The following KAT6A variants were observed in gnomAD, a reference collection of about 807,000 sequenced individuals.
KAT6A encodes histone acetyltransferase KAT6A.
A neutral mutation model predicts 198.4 loss-of-function variants in KAT6A; 9 were observed. The ratio of observed to expected loss-of-function variants is 0.05; its 90% CI spans 0.03 to 0.08. The LOEUF is 0.08. KAT6A is among the 10% of genes least tolerant of loss of function. The probability of loss-of-function intolerance (pLI) is 1.00; values close to 1 mark genes in which losing one functional copy is unlikely to be tolerated. For synonymous variants in KAT6A, 890 were observed against 883.0 expected (o/e 1.01, Z -0.14); for missense variants, 2,077 against 2,509.9 (o/e 0.83, Z 3.69).
chr8:41,937,497 A>G lies in KAT6A; in HGVS notation c.3111T>C (p.Thr1037=), dbSNP rs1821911370. The G allele has an allele frequency of 6.2e-7, 1 of 1,613,706 alleles. No individual in the cohort carries two copies. The highest frequency in any genetic ancestry group is 8.5e-7 in the Non-Finnish European group (1 of 1,179,714). ...KHHNSSVVTE[T]ISETTEVLDE... ...CTAACACTTCAGTGGTCTCAGAAAT[A>G]GTTTCTGTGACTACACTGCTATTGT... The change falls in exon 16 of 17, where the codon ACT becomes ACC. Residue 1037 remains threonine (T), a synonymous_variant. Transcript: ENST00000265713.
At position 42,048,677 on chromosome 8, in the gene KAT6A, T is replaced by C; in HGVS notation, c.301A>G (p.Lys101Glu). The change falls in exon 2 of 17, where the codon AAA (lysine) becomes GAA (glutamate). Residue 101 changes from lysine to glutamate, a missense_variant. This residue lies in a region of KAT6A where 185 missense variants were observed against 185.7 expected (regional missense o/e 1.00). Transcript: ENST00000265713. ...LDNKQNVDWN[K>E]LIKRAVEGLA... ...CCCTCAACTGCCCGCTTTATCAGTT[T>C]ATTCCAATCCACATTTTGTTTATTA... 6.2e-7 allele frequency: 1 copy of C among 1,614,242 alleles called. No homozygotes were observed. The highest frequency in any genetic ancestry group is 8.5e-7 in the Non-Finnish European group (1 of 1,180,036).
rs1163715066 is a variant in KAT6A, at chr8:42,013,542, CT to C, written c.601-25980del. ...GCCACCACGCCCGGCCTTGGCTCTG[CT>C]TTTTTTCAATTACAAATGCTCATGC... On this transcript the variant is annotated intron_variant, in intron 2 of 16. Transcript: ENST00000265713. Among the ~76,000 whole-genome samples the C allele has an allele frequency of 2.6e-5, 4 of 152,100 alleles. No homozygotes were observed. In the South Asian group the frequency reaches 8.3e-4, roughly 31 times the overall value.
chr8:42,009,254 A>C (rs760062771), intron 2 of KAT6A, among the ~76,000 whole-genome samples: 1 of 152,178 alleles, frequency 6.6e-6, no homozygotes, highest in Non-Finnish European at 1.5e-5. Flanking sequence ...ACTTGAATAA[A>C]AGAACAGGAA....
chr8:41,949,387 A>C, intron 9 of KAT6A, 24 bp from the exon 10 acceptor site: 1 of 1,459,540 alleles, frequency 6.9e-7, no homozygotes, highest in African/African-American at 1.5e-5. Context: ...TTAAACAAAA[A>C]AGACAGGGCT....
chr8:41,996,280 G>A (rs993558498), intron 2 of KAT6A, among the ~76,000 whole-genome samples: 2 of 152,058 alleles, frequency 1.3e-5, no homozygotes, highest in Non-Finnish European at 2.9e-5. Flanking sequence ...AAGCAATCAG[G>A]CAATACAGGT....
chr8:42,043,230 A>G (rs1827751607), intron 2 of KAT6A, among the ~76,000 whole-genome samples: 1 of 152,250 alleles, frequency 6.6e-6, no homozygotes, highest in Non-Finnish European at 1.5e-5. Flanking sequence ...AAGTAAATGG[A>G]ACAAATTACC....
In KAT6A at chr8:42,048,555, A is replaced by T. The variant is rs1261204195; in HGVS notation, c.423T>A (p.Ser141=). Residue 141 remains serine, a synonymous_variant, in exon 2 of 17, where the codon TCT becomes TCA. Coordinates refer to ENST00000265713, the MANE Select transcript of KAT6A (RefSeq NM_006766.5). ...VSALFGGSAA[S]GFHQQLRLAI... ...CCAATCGTAACTGCTGGTGAAAGCC[A>T]GAGGCAGCACTGCCTCCGAATAATG... 6.2e-7 allele frequency: 1 copy of T among 1,614,210 alleles called. No homozygotes were observed. Among genetic ancestry groups the T allele is most frequent in the Non-Finnish European group, 8.5e-7 (1 of 1,180,014 alleles).
intron 2 of KAT6A, among the ~76,000 whole-genome samples, chr8:42,035,069 T>C (rs762867740): frequency 2.6e-5 from 4 of 152,090 alleles, no homozygotes; most frequent in Non-Finnish European, 5.9e-5. Flanking sequence ...AAGAAACTAC[T>C]AAGGTAATCA....
intron 2 of KAT6A, among the ~76,000 whole-genome samples, chr8:42,003,276 A>G (rs1296953879): frequency 6.6e-6 from 1 of 152,112 alleles, no homozygotes; most frequent in Non-Finnish European, 1.5e-5. Flanking sequence ...ATGCGCCCTC[A>G]GAAAGCCCAA....
At position 41,940,917 on chromosome 8, in the gene KAT6A, G is replaced by C. The variant is rs759605400; in HGVS notation, c.2964C>G (p.Ser988Arg). 6.2e-7 allele frequency: 1 copy of C among 1,614,118 alleles called. No homozygotes were observed. The highest frequency in any genetic ancestry group is 8.5e-7 in the Non-Finnish European group (1 of 1,180,030). ...GGCTTTCCGGCTCCTCCTCCTCCTC[G>C]CTGCTCTCACTGAAGCCCCTGAGGA... The part of the protein sequence containing the change: ...RAVLRGFSES[S>R]EEEEEPESPR... The change falls in exon 15 of 17, where the codon AGC becomes AGG. Residue 988 changes from serine (S) to arginine (R), a missense_variant. Ser to Arg is a moderately radical substitution (Grantham distance 110). This residue lies in a region of KAT6A where 301 missense variants were observed against 272.2 expected (regional missense o/e 1.11). Coordinates refer to ENST00000265713, the MANE Select transcript of KAT6A (RefSeq NM_006766.5).
intron 8 of KAT6A, among the ~76,000 whole-genome samples, chr8:41,965,646 T>C (rs1203052933): frequency 6.6e-6 from 1 of 152,202 alleles, no homozygotes; most frequent in Non-Finnish European, 1.5e-5. Context: ...GGGTTTCAGT[T>C]AACATTGCAC....
chr8:42,027,740 T>G (rs1826900321), intron 2 of KAT6A, among the ~76,000 whole-genome samples: 1 of 152,128 alleles, frequency 6.6e-6, no homozygotes, highest in Non-Finnish European at 1.5e-5. Flanking sequence ...ACTTTTCATT[T>G]TGTTGATTCT....
At chr8:42,024,303 C>T (rs533978086) in intron 2 of KAT6A, among the ~76,000 whole-genome samples, 2 of 152,160 alleles carry the variant, frequency 1.3e-5, no homozygotes, top group East Asian at 1.9e-4. Flanking sequence ...AACTGTTCAG[C>T]GCCACTGTAA....
At chr8:42,023,691 TG>T (rs1826659643) in intron 2 of KAT6A, among the ~76,000 whole-genome samples, 1 of 152,062 alleles carries the variant, frequency 6.6e-6, no homozygotes. Context: ...TTTGTCATGT[TG>T]CCCAAGTTGG....
At chr8:42,008,664 A>G (rs1447271861) in intron 2 of KAT6A, among the ~76,000 whole-genome samples, 1 of 151,776 alleles carries the variant, frequency 6.6e-6, no homozygotes, top group Non-Finnish European at 1.5e-5. Flanking sequence ...ACATTTTTTT[A>G]ACACTGTTCT....
At chr8:41,936,624 G>A (rs146485011) in intron 16 of KAT6A, among the ~76,000 whole-genome samples, 2 of 152,250 alleles carry the variant, frequency 1.3e-5, no homozygotes, top group East Asian at 3.9e-4. Flanking sequence ...TGACAACTAG[G>A]CTGCTTTAAA....
At position 41,981,891 on chromosome 8, in the gene KAT6A, T is replaced by C; in HGVS notation, c.773A>G (p.Gln258Arg). The C allele has an allele frequency of 6.2e-7, 1 of 1,614,110 alleles. No individual in the cohort carries two copies. The change falls in exon 4 of 17, where the codon CAG becomes CGG. Residue 258 changes from glutamine (Q) to arginine (R), a missense_variant. Physicochemically the swap from Gln to Arg is conservative, Grantham distance 43. Around this residue, in one of 13 missense-constraint regions of KAT6A, gnomAD observed 89 missense variants for 154.4 expected, o/e 0.58. Coordinates refer to ENST00000265713, the MANE Select transcript of KAT6A (RefSeq NM_006766.5). ...GCTGCATGTTTTACACTCGATGCAC[T>C]GCCACCGTAAGGCCTTCACTCGAAC... The part of the protein sequence containing the change: ...LTVRVKALRW[Q>R]CIECKTCSSC...
intron 2 of KAT6A, chr8:42,043,386 A>G (rs1827760220): frequency 6.6e-6 from 1 of 152,252 alleles, no homozygotes; most frequent in Non-Finnish European, 1.5e-5. Flanking sequence ...TGGTATAGCA[A>G]TACAACTGAT....
At chr8:41,986,826 T>C (rs577217684) in intron 3 of KAT6A, among the ~76,000 whole-genome samples, 2 of 152,188 alleles carry the variant, frequency 1.3e-5, no homozygotes, top group Admixed American at 6.5e-5. Context: ...TCACCTGAGG[T>C]CGGGAGTTTG....
Sources: allele counts gnomAD v4.1 joint callset (sites outside exome capture counted in the v4.1 genomes callset), GRCh38; gene constraint gnomAD v4.1.1; regional missense constraint gnomAD v4.1.1; transcripts MANE v1.5; gene names NCBI Gene and HGNC (gene_info 2026-07-23, HGNC 2026-07-21).